CCT4: variants seen among roughly 807,000 people sequenced by gnomAD.
CCT4 encodes T-complex protein 1 subunit delta.
Under a neutral mutation model 62.5 loss-of-function variants are expected in CCT4, and 17 were observed. The ratio of observed to expected loss-of-function variants is 0.27; its 90% CI spans 0.19 to 0.41. The LOEUF is 0.41. Among genes scored for constraint, CCT4 ranks in the 10% least tolerant of loss-of-function variants. CCT4 has a pLI of 1.00. For missense variants in CCT4, 592 were observed against 659.2 expected (o/e 0.90, Z 1.12); for synonymous variants, 250 against 229.9 (o/e 1.09, Z -0.79).
intron 7 of CCT4, 22 bp from the exon 8 acceptor site, chr2:61,876,256 T>G (rs1572918835): frequency 1.3e-6 from 2 of 1,549,062 alleles, no homozygotes; most frequent in East Asian, 4.5e-5. Context: ...AAGAACATCA[T>G]AATTTGCATT....
intron 12 of CCT4, among the ~76,000 whole-genome samples, chr2:61,870,893 G>T (rs1668870057): frequency 6.6e-6 from 1 of 151,834 alleles, no homozygotes; most frequent in Admixed American, 6.6e-5. Flanking sequence ...CTGCAGCCTG[G>T]GCAACAGAGC....
At chr2:61,881,906 A>T (rs551650375) in intron 3 of CCT4, among the ~76,000 whole-genome samples, 1 of 151,042 alleles carries the variant, frequency 6.6e-6, no homozygotes, top group African/African-American at 2.4e-5. Context: ...ATCTTTACAC[A>T]ACTCAGAGGG....
chr2:61,880,375 G>T lies in CCT4; in HGVS notation c.290C>A (p.Ala97Asp). The change falls in exon 4 of 14, where the codon GCT becomes GAT. Residue 97 changes from alanine to aspartate, a missense_variant. By Grantham distance (126) the Ala-to-Asp change is moderately radical. Coordinates refer to ENST00000394440, the MANE Select transcript of CCT4 (RefSeq NM_006430.4). Reference protein sequence around the residue: ...AARMLVELSKAQDIEAGDGTT... With the variant: ...AARMLVELSKDQDIEAGDGTT... ...GCCATCTCCTGCTTCTATATCTTGA[G>T]CCTTAGACAGCTCCACCAGCTAAGT... 1 of 1,600,604 alleles carries T rather than the reference G, an allele frequency of 6.2e-7. No homozygotes were observed. Among genetic ancestry groups the T allele is most frequent in the Non-Finnish European group, 8.5e-7 (1 of 1,174,406 alleles).
intron 5 of CCT4, among the ~76,000 whole-genome samples, 197 bp downstream of exon 5, chr2:61,878,672 T>A (rs1669049192): frequency 6.6e-6 from 1 of 152,220 alleles, no homozygotes; most frequent in African/African-American, 2.4e-5. Flanking sequence ...GGATATAGTA[T>A]ATATTAAATA....
chr2:61,886,593 A>G (rs757646761), intron 1 of CCT4, among the ~76,000 whole-genome samples: 3 of 152,202 alleles, frequency 2.0e-5, no homozygotes, highest in Admixed American at 1.3e-4. Context: ...AGTTTAAGAC[A>G]TAACGGGTCA....
chr2:61,869,218 C>A (rs1255516023), intron 13 of CCT4, among the ~76,000 whole-genome samples: 1 of 150,064 alleles, frequency 6.7e-6, no homozygotes, highest in Non-Finnish European at 1.5e-5. Context: ...CACCTGTAAT[C>A]CCAGCTACTC....
intron 12 of CCT4, among the ~76,000 whole-genome samples, chr2:61,870,284 AAAC>A (rs1293212653): frequency 2.6e-5 from 4 of 152,072 alleles, no homozygotes; most frequent in Admixed American, 1.3e-4. Flanking sequence ...CAAAAAAACA[AAAC>A]AAAACAAAAT....
At chr2:61,884,999 T>C (rs2105141975) in intron 2 of CCT4, 21 bp downstream of exon 2, 1 of 1,563,434 alleles carries the variant, frequency 6.4e-7, no homozygotes, top group Non-Finnish European at 8.7e-7. Context: ...ATTAGTAGTA[T>C]TCAATGACTC....
rs375190462 is a variant in CCT4, at chr2:61,882,885, CACA to C, written c.270+571_270+573del. On this transcript the variant is annotated intron_variant, in intron 3 of 13. Coordinates refer to ENST00000394440, the MANE Select transcript of CCT4 (RefSeq NM_006430.4). ...TGGTGTGATTATAGCTCTCTGCAGCCACAAACTCTTGGGCTCAAATAATCCTCC... is the reference window on the plus strand; with the variant it reads ...TGGTGTGATTATAGCTCTCTGCAGCCAACTCTTGGGCTCAAATAATCCTCC... Among the ~76,000 whole-genome samples, 14 of 151,852 alleles carry C rather than the reference CACA, an allele frequency of 9.2e-5. No homozygotes were observed. The East Asian group carries it at 2.5e-3, about 27-fold the overall frequency.
At chr2:61,886,230 G>C (rs1669244846) in intron 1 of CCT4, 1 of 152,196 alleles carries the variant, frequency 6.6e-6, no homozygotes, top group South Asian at 2.1e-4. Context: ...GGACAACATG[G>C]CGAAACCCTG....
chr2:61,881,226 T>C (rs1669104081), intron 3 of CCT4, among the ~76,000 whole-genome samples: 1 of 151,266 alleles, frequency 6.6e-6, no homozygotes, highest in African/African-American at 2.4e-5. Flanking sequence ...TATTTTATGT[T>C]CCAAATAAGA....
intron 1 of CCT4, among the ~76,000 whole-genome samples, chr2:61,885,480 G>A (rs1342411465): frequency 2.0e-5 from 3 of 152,000 alleles, no homozygotes; most frequent in Non-Finnish European, 2.9e-5. Flanking sequence ...AGGCAATCTC[G>A]GCTCACTGCA....
intron 5 of CCT4, 85 bp downstream of exon 5, chr2:61,878,784 G>A (rs1203190970): frequency 3.5e-6 from 3 of 853,730 alleles, no homozygotes; most frequent in African/African-American, 3.4e-5. Context: ...TTGAGATTTA[G>A]TATTTATGTA....
intron 4 of CCT4, among the ~76,000 whole-genome samples, chr2:61,879,666 C>T (rs1038242214): frequency 2.0e-5 from 3 of 151,944 alleles, no homozygotes; most frequent in Admixed American, 6.6e-5. Context: ...TTTACTAAAG[C>T]AAAGACAATC....
At position 61,888,543 on chromosome 2, in the gene CCT4, G is replaced by A. The variant is rs772370596; in HGVS notation, c.-36C>T. 1.3e-6 allele frequency: 2 copies of A among 1,599,638 alleles called. No homozygotes were observed. Among genetic ancestry groups the A allele is most frequent in the Non-Finnish European group, 1.7e-6 (2 of 1,172,968 alleles). ...GCTGTGTCTGGGTTGGCTCGGGAAG[G>A]ACGGATGGACCCGGATTCTGGCCGG... On this transcript the variant is annotated 5_prime_UTR_variant, in exon 1 of 14. Coordinates refer to ENST00000394440, the MANE Select transcript of CCT4 (RefSeq NM_006430.4).
intron 1 of CCT4, among the ~76,000 whole-genome samples, chr2:61,886,468 T>C (rs1669252877): frequency 1.3e-5 from 2 of 152,120 alleles, no homozygotes; most frequent in Admixed American, 6.6e-5. Context: ...TCTCAAATCA[T>C]AGCTTTTGGT....
At position 61,876,141 on chromosome 2, in the gene CCT4, T is replaced by A; in HGVS notation, c.871A>T (p.Lys291Ter). ...AGAAGGACATTACATCCTGTTTTTT[T>A]AATTTGCTTCACTAAATTTAAAATA... Reference protein sequence around the residue: ...AYILNLVKQIKKTGCNVLLIQ... With the variant: ...AYILNLVKQI The change falls in exon 8 of 14, where the codon AAA becomes TAA. Residue 291 changes from lysine (K) to a stop codon, truncating the protein, a stop_gained. Coordinates refer to ENST00000394440, the MANE Select transcript of CCT4 (RefSeq NM_006430.4). LOFTEE classifies it high-confidence loss of function. The A allele has an allele frequency of 6.2e-7, 1 of 1,605,244 alleles. No individual in the cohort carries two copies. The highest frequency in any genetic ancestry group is 8.5e-7 in the Non-Finnish European group (1 of 1,172,128).
chr2:61,877,538 A>C (rs1669027458), intron 5 of CCT4, 24 bp from the exon 6 acceptor site: 1 of 1,494,944 alleles, frequency 6.7e-7, no homozygotes, highest in Non-Finnish European at 9.0e-7. Context: ...AAAAAAAAAA[A>C]AGTTACCTTC....
intron 13 of CCT4, 59 bp from the exon 14 acceptor site, chr2:61,868,765 A>C (rs1668825140): frequency 1.6e-6 from 2 of 1,218,784 alleles, no homozygotes; most frequent in African/African-American, 3.0e-5. Flanking sequence ...AAAGCTGGAA[A>C]ATGTTTAAGG....
Sources: gnomAD v4.1 joint callset for allele counts (sites outside exome capture counted in the v4.1 genomes callset) on GRCh38, gnomAD v4.1.1 for gene constraint, MANE v1.5 for transcripts, NCBI Gene and HGNC (gene_info 2026-07-23, HGNC 2026-07-21) for gene names.